The following COL26A1 variants were observed in gnomAD, a reference collection of about 807,000 sequenced individuals.
The protein encoded by COL26A1 is collagen alpha-1(XXVI) chain.
Under a neutral mutation model 59.3 loss-of-function variants are expected in COL26A1, and 41 were observed. The ratio of observed to expected loss-of-function variants is 0.69; its 90% CI spans 0.54 to 0.90. The LOEUF is 0.90. Among genes scored for constraint, COL26A1 ranks in the 40% least tolerant of loss-of-function variants. The probability of loss-of-function intolerance (pLI) is 0.00; values close to 1 mark genes in which losing one functional copy is unlikely to be tolerated. For synonymous variants in COL26A1, 266 were observed against 256.0 expected, an observed-to-expected ratio of 1.04 and a Z score of -0.37; for missense variants, 612 against 602.3, an observed-to-expected ratio of 1.02 and a Z score of -0.17.
intron 1 of COL26A1, among the ~76,000 whole-genome samples, chr7:101,363,939 G>A (rs1217256171): frequency 6.6e-6 from 1 of 152,110 alleles, no homozygotes; most frequent in Non-Finnish European, 1.5e-5. Flanking sequence ...GGTCATTCCC[G>A]CCCAGTCTTT....
At chr7:101,515,262 A>C (rs1795005347) in intron 3 of COL26A1, among the ~76,000 whole-genome samples, 1 of 152,066 alleles carries the variant, frequency 6.6e-6, no homozygotes, top group Non-Finnish European at 1.5e-5. Flanking sequence ...TCTGGATTCG[A>C]GACCCTCTCT....
chr7:101,439,979 C>T (rs192244893), intron 2 of COL26A1, among the ~76,000 whole-genome samples: 15 of 152,232 alleles, frequency 9.9e-5, no homozygotes, highest in Non-Finnish European at 1.5e-4. Context: ...GTGTCCTCAA[C>T]TGAGTGCGGC....
chr7:101,411,139 A>C (rs1345021750), intron 1 of COL26A1, among the ~76,000 whole-genome samples: 3 of 152,196 alleles, frequency 2.0e-5, no homozygotes, highest in Non-Finnish European at 4.4e-5. Context: ...AGCCCAGAGC[A>C]GCTGCTGTGG....
chr7:101,529,977 C>A (rs1240597869), intron 3 of COL26A1, among the ~76,000 whole-genome samples: 1 of 152,092 alleles, frequency 6.6e-6, no homozygotes, highest in African/African-American at 2.4e-5. Flanking sequence ...GACCCTCTCC[C>A]CACCAGTATT....
Position 101,535,572 on chromosome 7 carries a change from C to T in COL26A1, c.447+2429C>T, listed in dbSNP as rs756636731. ...TCCACCAAGGGCCCCAGCTCCATGG[C>T]CTCCAGCAGCAGGCCCGGGGCAGAG... is the stretch of plus-strand genomic sequence containing the variant. On this transcript the variant is annotated intron_variant, in intron 4 of 12. Transcript: ENST00000313669. 3.9e-5 allele frequency among the ~76,000 whole-genome samples: 6 copies of T among 152,316 alleles called. No homozygotes were observed. In the South Asian group the frequency reaches 1.0e-3, roughly 26 times the overall value.
intron 3 of COL26A1, among the ~76,000 whole-genome samples, chr7:101,471,564 G>GTTTTTTTTTTTTTTTTTTTTT (rs1562997549): frequency 7.8e-6 from 1 of 129,024 alleles, no homozygotes; most frequent in African/African-American, 3.1e-5. Flanking sequence ...TGTTGTTGTT[G>GTTTTTTTTTTTTTTTTTTTTT]TTGTTTGTTT....
chr7:101,392,998 GT>G (rs960678658), intron 1 of COL26A1, among the ~76,000 whole-genome samples: 1 of 106,412 alleles, frequency 9.4e-6, no homozygotes, highest in African/African-American at 3.2e-5. Context: ...ATAAAAAAAT[GT>G]TTTTTTGTTT....
At chr7:101,422,837 C>A (rs1245252444) in intron 2 of COL26A1, among the ~76,000 whole-genome samples, 1 of 152,012 alleles carries the variant, frequency 6.6e-6, no homozygotes, top group Non-Finnish European at 1.5e-5. Flanking sequence ...ACAGGGGTCT[C>A]GCCATGTTGC....
intron 3 of COL26A1, among the ~76,000 whole-genome samples, chr7:101,501,459 T>C (rs1315374159): frequency 1.3e-5 from 2 of 152,140 alleles, no homozygotes; most frequent in African/African-American, 4.8e-5. Flanking sequence ...TCCTTGAAGA[T>C]AGCCAGTTTC....
chr7:101,387,778 A>ATATATTTTTTTTT (rs773025730), intron 1 of COL26A1, among the ~76,000 whole-genome samples: 3 of 84,836 alleles, frequency 3.5e-5, no homozygotes, highest in African/African-American at 9.9e-5. Context: ...ATATATATAT[A>ATATATTTTTTTTT]TTTTTTTTTA....
chr7:101,434,754 G>C (rs1334792832), intron 2 of COL26A1, among the ~76,000 whole-genome samples: 1 of 152,140 alleles, frequency 6.6e-6, no homozygotes, highest in Non-Finnish European at 1.5e-5. Flanking sequence ...GGGTGTACTG[G>C]GGACAGTGAC....
chr7:101,489,612 T>TCTTG (rs1794342840), intron 3 of COL26A1, among the ~76,000 whole-genome samples: 1 of 47,554 alleles, frequency 2.1e-5, no homozygotes, highest in Non-Finnish European at 3.6e-5. Context: ...TTTCTTTCTT[T>TCTTG]CTTTCTTTCT....
At chr7:101,443,814 T>C (rs1369664498) in intron 2 of COL26A1, among the ~76,000 whole-genome samples, 1 of 152,014 alleles carries the variant, frequency 6.6e-6, no homozygotes. Context: ...TTTTTTTTTT[T>C]AATTCCTGCA....
intron 3 of COL26A1, among the ~76,000 whole-genome samples, chr7:101,463,559 T>C (rs56303742): frequency 0.5 from 61,036 of 122,840 alleles, 16,091 homozygotes; most frequent in African/African-American, 0.63. Flanking sequence ...CTTTTCTTTT[T>C]CTTTCTTTCA....
chr7:101,461,433 G>A (rs922874484), intron 3 of COL26A1, among the ~76,000 whole-genome samples: 1 of 151,916 alleles, frequency 6.6e-6, no homozygotes, highest in African/African-American at 2.4e-5. Context: ...CAGGTAGCTG[G>A]GATTACAGAT....
chr7:101,419,778 G>C (rs10254310), intron 1 of COL26A1, among the ~76,000 whole-genome samples, 199 bp from the exon 2 acceptor site: 1 of 151,990 alleles, frequency 6.6e-6, no homozygotes, highest in African/African-American at 2.4e-5. Flanking sequence ...AATGATGCCA[G>C]GGCTTGGTGG....
chr7:101,474,491 C>A (rs1793987176), intron 3 of COL26A1, among the ~76,000 whole-genome samples: 2 of 151,982 alleles, frequency 1.3e-5, no homozygotes, highest in Admixed American at 1.3e-4. Flanking sequence ...ACTCAGGGGG[C>A]TGAGGTGGGA....
intron 3 of COL26A1, among the ~76,000 whole-genome samples, chr7:101,511,053 A>G (rs1044181948): frequency 3.3e-5 from 5 of 151,256 alleles, no homozygotes; most frequent in African/African-American, 1.2e-4. Flanking sequence ...GGCGCCCACC[A>G]CCATGCCTGG....
intron 11 of COL26A1, among the ~76,000 whole-genome samples, chr7:101,553,810 T>G (rs868383544): frequency 6.6e-6 from 1 of 151,486 alleles, no homozygotes; most frequent in African/African-American, 2.4e-5. Context: ...GGCTGCTGGA[T>G]GTGGTAGAGG....
Sources: gnomAD v4.1 joint callset for allele counts (sites outside exome capture counted in the v4.1 genomes callset) on GRCh38, gnomAD v4.1.1 for gene constraint, MANE v1.5 for transcripts, NCBI Gene and HGNC (gene_info 2026-07-23, HGNC 2026-07-21) for gene names.